Variants in AIM2 observed in about 807,000 individuals in gnomAD.
The protein encoded by AIM2 is absent in melanoma 2, also known as interferon-inducible protein AIM2.
Under a neutral mutation model 27.7 loss-of-function variants are expected in AIM2, and 30 were observed. The ratio of observed to expected loss-of-function variants is 1.08; its 90% CI spans 0.81 to 1.47. The LOEUF (loss-of-function observed/expected upper bound fraction) is 1.47, where lower values mean the gene tolerates loss of function less well. Among genes scored for constraint, AIM2 ranks in the 40% most tolerant of loss-of-function variants. The pLI is 0.00. For missense variants in AIM2, 358 were observed against 411.3 expected (o/e 0.87, Z 1.12); for synonymous variants, 141 against 145.3 (o/e 0.97, Z 0.21).
chr1:159,119,124 A>G (rs1004270198), intron 1 of AIM2, among the ~76,000 whole-genome samples: 16 of 152,272 alleles, frequency 1.1e-4, no homozygotes, highest in South Asian at 2.1e-4. Context: ...GAGTGAAAGC[A>G]TGAGACACCT....
chr1:159,062,692 CTA>C lies in AIM2; in HGVS notation c.1030_1031del (p.Ter344GlufsTer3), dbSNP rs1347397831. On this transcript the variant is annotated frameshift_variant and stop_lost, in exon 6 of 6. Coordinates refer to ENST00000368130, the MANE Select transcript of AIM2 (RefSeq NM_004833.3). LOFTEE classifies it high-confidence loss of function. ...IKVIKAKKKT[*>X] is the part of the protein sequence containing the mutation. Reference sequence around the variant, plus strand: ...GCTTGAATTGGTCCTTTTTACTTCTCTATGTTTTTTTTTTGGCCTTAATAACC... The same window carrying C: ...GCTTGAATTGGTCCTTTTTACTTCTCTGTTTTTTTTTTGGCCTTAATAACC... 1.9e-6 allele frequency: 3 copies of C among 1,613,006 alleles called. No homozygotes were observed. The highest frequency in any genetic ancestry group is 2.5e-6 in the Non-Finnish European group (3 of 1,179,664).
chr1:159,104,032 C>CT (rs567631835), intron 1 of AIM2, among the ~76,000 whole-genome samples: 15 of 151,870 alleles, frequency 9.9e-5, no homozygotes, highest in African/African-American at 3.1e-4. Context: ...AAAACCTACA[C>CT]TTTTTTTATT....
At chr1:159,067,912 C>T (rs192621488) in intron 3 of AIM2, among the ~76,000 whole-genome samples, 2 of 152,254 alleles carry the variant, frequency 1.3e-5, no homozygotes, top group East Asian at 1.9e-4. Flanking sequence ...ACCAATGACA[C>T]TCTCCAGCCA....
rs147003556 is a variant in AIM2, at chr1:159,076,429, G to A, written c.-21+204C>T. Among the ~76,000 whole-genome samples the A allele has an allele frequency of 6.8e-3, 1,035 of 152,264 alleles. 6 individuals are homozygous for A. The highest frequency in any genetic ancestry group is 0.02 in the South Asian group (98 of 4,822). ...AACCCCAAAGGAAGCCGAAGCTTAA[G>A]GAACACCAGCTCAGAGACACCAGAG... On this transcript the variant is annotated intron_variant, in intron 1 of 5. Coordinates refer to ENST00000368130, the MANE Select transcript of AIM2 (RefSeq NM_004833.3).
At chr1:159,099,675 T>C (rs1039924352) in intron 1 of AIM2, among the ~76,000 whole-genome samples, 25 of 152,260 alleles carry the variant, frequency 1.6e-4, no homozygotes, top group East Asian at 7.8e-4. Flanking sequence ...CCAGCTGGAA[T>C]TGATTCTCCT....
chr1:159,083,138 T>C (rs74692944), intron 1 of AIM2, among the ~76,000 whole-genome samples: 1,787 of 152,284 alleles, frequency 0.012, 44 homozygotes, highest in African/African-American at 0.041. Context: ...ACATACTACA[T>C]GGCTTAACTA....
chr1:159,072,250 C>T (rs1656391913), intron 2 of AIM2, among the ~76,000 whole-genome samples: 1 of 152,174 alleles, frequency 6.6e-6, no homozygotes, highest in Admixed American at 6.5e-5. Context: ...CTCTTTAGTG[C>T]CTTAGAAACT....
At chr1:159,079,886 T>C (rs1045226258), upstream of AIM2, among the ~76,000 whole-genome samples, 18 of 152,230 alleles carry the variant, frequency 1.2e-4, no homozygotes, top group Admixed American at 3.9e-4. Flanking sequence ...ATCTTTTTAC[T>C]GTCTCTATAG....
intron 1 of AIM2, among the ~76,000 whole-genome samples, chr1:159,088,084 T>C (rs1340455246): frequency 6.6e-6 from 1 of 152,154 alleles, no homozygotes; most frequent in African/African-American, 2.4e-5. Context: ...AAGTTGAGTC[T>C]CTAGGTGGAA....
chr1:159,081,497 T>G, upstream of AIM2: 1 of 521,014 alleles, frequency 1.9e-6, no homozygotes. Context: ...CCCCTCTGAC[T>G]GCAGAATAAT....
At chr1:159,079,019 A>T (rs936298024), upstream of AIM2, among the ~76,000 whole-genome samples, 1 of 152,216 alleles carries the variant, frequency 6.6e-6, no homozygotes, top group African/African-American at 2.4e-5. Context: ...GTGTGTATAC[A>T]TGTATGGACA....
At chr1:159,063,061 A>G (rs1655909520) in intron 5 of AIM2, among the ~76,000 whole-genome samples, 1 of 152,174 alleles carries the variant, frequency 6.6e-6, no homozygotes, top group South Asian at 2.1e-4. Context: ...GGTCAAGAGT[A>G]GGGGTTTACA....
intron 1 of AIM2, among the ~76,000 whole-genome samples, chr1:159,136,042 G>A (rs1648005368): frequency 6.6e-6 from 1 of 152,194 alleles, no homozygotes; most frequent in Non-Finnish European, 1.5e-5. Context: ...AGAATCTGAG[G>A]ATTGTTGTAG....
In AIM2 at chr1:159,121,195, T is replaced by A. The variant is rs928525449; in HGVS notation, c.-16+19236A>T. ...TATTCAAGACAAATGAGTTCTCTAT[T>A]GCCTGTATAAACTAGTGATGGGAAG... On this transcript the variant is annotated intron_variant, in intron 1 of 2. Transcript: ENST00000368129. Among the ~76,000 whole-genome samples the A allele has an allele frequency of 2.6e-5, 4 of 152,186 alleles. No homozygotes were observed. In the East Asian group the frequency reaches 5.8e-4, roughly 22 times the overall value.
intron 1 of AIM2, among the ~76,000 whole-genome samples, chr1:159,125,542 C>T (rs143137284): frequency 3.9e-5 from 6 of 152,118 alleles, no homozygotes; most frequent in Non-Finnish European, 5.9e-5. Flanking sequence ...TAGAGGGCCA[C>T]GGAAAGCCAG....
rs558185437 is a variant in AIM2 at position 159,084,142 on chromosome 1, T to C, written c.-15-17813A>G. Among the ~76,000 whole-genome samples the C allele has an allele frequency of 1.2e-4, 19 of 152,346 alleles. 1 individual carries two copies. The South Asian group carries it at 3.7e-3, about 30-fold the overall frequency. On this transcript the variant is annotated intron_variant, in intron 1 of 2. Transcript: ENST00000368129. Reference sequence around the variant, plus strand: ...TTTGCTCAAGGGTACCCTGCTAGTATGTGGTAGAGTCAGAATTTAAATCTG... The same window carrying C: ...TTTGCTCAAGGGTACCCTGCTAGTACGTGGTAGAGTCAGAATTTAAATCTG...
At chr1:159,093,040 A>AAAATAAATAAATAAAT (rs57238902) in intron 1 of AIM2, among the ~76,000 whole-genome samples, 27 of 147,292 alleles carry the variant, frequency 1.8e-4, no homozygotes, top group African/African-American at 5.7e-4. Context: ...TAAATAAATA[A>AAAATAAATAAATAAAT]AAATAAATAA....
At chr1:159,081,725 A>C (rs113065266), upstream of AIM2, 52 of 218,046 alleles carry the variant, frequency 2.4e-4, no homozygotes, top group Non-Finnish European at 1.3e-4. Context: ...AAAAAAGTCT[A>C]AAAGGACAAT....
At chr1:159,066,393 T>C (rs898102271) in intron 3 of AIM2, 64 bp from the exon 4 acceptor site, 1 of 1,512,952 alleles carries the variant, frequency 6.6e-7, no homozygotes, top group African/African-American at 1.4e-5. Context: ...AGGACCTTAC[T>C]TCACCTACAG....
Sources: allele counts gnomAD v4.1 joint callset (sites outside exome capture counted in the v4.1 genomes callset), GRCh38; gene constraint gnomAD v4.1.1; transcripts MANE v1.5; gene names NCBI Gene and HGNC (gene_info 2026-07-23, HGNC 2026-07-21).